Variants in GBF1 observed in about 807,000 individuals in gnomAD.
GBF1 encodes the protein golgi brefeldin A resistant guanine nucleotide exchange factor 1.
GBF1 carries 114 observed loss-of-function variants against 210.5 expected under a neutral mutation model. That is an observed-to-expected ratio of 0.54 (90% CI 0.47 to 0.63). GBF1 has a LOEUF of 0.63. GBF1 is among the 30% of genes least tolerant of loss of function. The pLI, the probability that GBF1 is intolerant of heterozygous loss-of-function variation, is 0.00. For missense variants in GBF1, 1,851 were observed against 2,357.7 expected (o/e 0.79, Z 4.45); for synonymous variants, 850 against 889.2 (o/e 0.96, Z 0.78).
At position 102,369,753 on chromosome 10, in the gene GBF1, C is replaced by T. The variant is rs779802929; in HGVS notation, c.3193C>T (p.Arg1065Trp). The T allele has an allele frequency of 8.1e-6, 13 of 1,613,812 alleles. No homozygotes were observed. The highest frequency in any genetic ancestry group is 1.3e-5 in the African/African-American group (1 of 74,896). Residue 1065 changes from arginine to tryptophan, a missense_variant, in exon 25 of 40, where the codon CGG becomes TGG. Physicochemically the swap from Arg to Trp is moderately radical, Grantham distance 101. Around this residue, in one of 3 missense-constraint regions of GBF1, gnomAD observed 967 missense variants for 1,247.7 expected, o/e 0.78. Transcript: ENST00000369983. ...VDPNGKISLQ[R>W]EETPSNRGES... is the part of the protein sequence containing the mutation. ...TCCCAATGGCAAGATCTCTCTACAG[C>T]GGGAAGAGACACCATCAAACCGGTA...
At chr10:102,300,841 C>T (rs910611545) in intron 3 of GBF1, among the ~76,000 whole-genome samples, 14 of 152,082 alleles carry the variant, frequency 9.2e-5, no homozygotes, top group Non-Finnish European at 1.6e-4. Context: ...TCTTTTGTGG[C>T]TTTGAGGAGA....
chr10:102,231,478 G>A, the GBF1 span: 1 of 719,838 alleles, frequency 1.4e-6, no homozygotes, highest in Non-Finnish European at 2.3e-6. Context: ...CAGGGTCCGG[G>A]GTCCGGGGTC....
At chr10:102,324,024 C>T (rs538881721) in intron 3 of GBF1, among the ~76,000 whole-genome samples, 1 of 152,310 alleles carries the variant, frequency 6.6e-6, no homozygotes, top group African/African-American at 2.4e-5. Context: ...CATAAGAACT[C>T]TCTCTTATAC....
At chr10:102,319,597 A>G (rs541899465) in intron 3 of GBF1, among the ~76,000 whole-genome samples, 4 of 151,844 alleles carry the variant, frequency 2.6e-5, no homozygotes, top group South Asian at 2.1e-4. Flanking sequence ...CTCTTCTTCT[A>G]TTCTGTATTG....
In GBF1 at chr10:102,363,404, C is replaced by T. The variant is rs753052452; in HGVS notation, c.2017+8C>T. On this transcript the variant is annotated splice_region_variant and intron_variant, in intron 16 of 39. Coordinates refer to ENST00000369983, the MANE Select transcript of GBF1 (RefSeq NM_001377137.1). This position sits in a 1 kb window ranked among gnomAD's most constrained non-coding sequence, Gnocchi z 4.2. ...AAGCTGTTGACTCTGGGGGTGGGTA[C>T]TGGGTGTCCATGACCCTAAGCTCCT... 1.2e-6 allele frequency: 2 copies of T among 1,611,488 alleles called. No individual in the cohort carries two copies. Among genetic ancestry groups the T allele is most frequent in the South Asian group, 2.2e-5 (2 of 90,634 alleles).
chr10:102,267,572 G>A (rs370804282), intron 3 of GBF1, among the ~76,000 whole-genome samples: 1 of 152,144 alleles, frequency 6.6e-6, no homozygotes, highest in Non-Finnish European at 1.5e-5. Flanking sequence ...GAGTCCTATT[G>A]ATTAAGTGCC....
rs1389785457 is a variant in GBF1 at position 102,368,351 on chromosome 10, G to A, written c.2776G>A (p.Asp926Asn). The change falls in exon 22 of 40, where the codon GAC (aspartate) becomes AAC (asparagine). Residue 926 changes from aspartate (D) to asparagine (N), a missense_variant. Physicochemically the swap from Asp to Asn is conservative, Grantham distance 23. Around this residue, in one of 3 missense-constraint regions of GBF1, gnomAD observed 967 missense variants for 1,247.7 expected, o/e 0.78. Coordinates refer to ENST00000369983, the MANE Select transcript of GBF1 (RefSeq NM_001377137.1). ...TGTGCCTACTGCCAGCTATGATCTT[G>A]ACCTCTTCACCATGACCTGGGGCCC... is the stretch of plus-strand genomic sequence containing the variant. The part of the protein sequence containing the change: ...LRVPTASYDL[D>N]LFTMTWGPTI... 1.9e-6 allele frequency: 3 copies of A among 1,613,828 alleles called. No individual in the cohort carries two copies. The highest frequency in any genetic ancestry group is 2.7e-5 in the African/African-American group (2 of 74,936).
chr10:102,377,188 G>T (rs2060553323), intron 33 of GBF1, 48 bp downstream of exon 33: 2 of 1,502,624 alleles, frequency 1.3e-6, no homozygotes, highest in African/African-American at 1.4e-5. Flanking sequence ...ACCTGATACT[G>T]GGAGCCTGGG....
the GBF1 span, among the ~76,000 whole-genome samples, chr10:102,235,489 C>A: frequency 6.6e-6 from 1 of 152,144 alleles, no homozygotes; most frequent in Non-Finnish European, 1.5e-5. Context: ...GTTACTTTAC[C>A]TCTCTGAGCA....
At chr10:102,337,889 A>C (rs532842119) in intron 3 of GBF1, among the ~76,000 whole-genome samples, 26 of 152,184 alleles carry the variant, frequency 1.7e-4, no homozygotes, top group African/African-American at 6.3e-4. Flanking sequence ...AAATATCCTT[A>C]CTAGTGATGC....
Position 102,358,980 on chromosome 10 carries a change from G to A in GBF1, c.1011+251G>A, listed in dbSNP as rs146608156. On this transcript the variant is annotated intron_variant, in intron 10 of 39. Transcript: ENST00000369983. ...AGTACTTGACAAAAGGGAAGGAGCT[G>A]GCCATTGCTTTTTCTGGAAGGTAAT... 6.7e-4 allele frequency: 397 copies of A among 589,126 alleles called. 2 individuals carry two copies. Among genetic ancestry groups the A allele is most frequent in the African/African-American group, 6.3e-3 (338 of 53,782 alleles). 36.5% of individuals were successfully genotyped at this position (589,126 alleles called of 1,614,324 possible).
intron 18 of GBF1, among the ~76,000 whole-genome samples, chr10:102,365,910 A>G (rs2059888854): frequency 1.3e-5 from 2 of 148,782 alleles, no homozygotes; most frequent in Non-Finnish European, 1.5e-5. Flanking sequence ...GAGTGAGATC[A>G]TGCCACTGTG....
chr10:102,294,544 G>T (rs1359294237), intron 3 of GBF1, among the ~76,000 whole-genome samples: 1 of 151,816 alleles, frequency 6.6e-6, no homozygotes, highest in African/African-American at 2.4e-5. Context: ...ACCACGCCCG[G>T]CTAATTTTTT....
intron 3 of GBF1, among the ~76,000 whole-genome samples, chr10:102,290,384 A>G (rs1316538028): frequency 1.3e-5 from 2 of 152,290 alleles, no homozygotes; most frequent in East Asian, 1.9e-4. Flanking sequence ...ATAAAAATAC[A>G]TTGAACCAGA....
In GBF1 at chr10:102,351,895, CTG is replaced by C. The variant is rs2059006147; in HGVS notation, c.474_475del (p.Cys158Ter). ...GTGGGTGCCCACCTAACCAATGAATCTGTGTGTGAGATTATGCAGTCTTGCTT... is the reference window on the plus strand; with the variant it reads ...GTGGGTGCCCACCTAACCAATGAATCTGTGTGAGATTATGCAGTCTTGCTT... On this transcript the variant is annotated frameshift_variant, in exon 6 of 40. Coordinates refer to ENST00000369983, the MANE Select transcript of GBF1 (RefSeq NM_001377137.1). LOFTEE classifies it high-confidence loss of function. 1 of 1,612,418 alleles carries C rather than the reference CTG, an allele frequency of 6.2e-7. No homozygotes were observed. Among genetic ancestry groups the C allele is most frequent in the Non-Finnish European group, 8.5e-7 (1 of 1,178,480 alleles).
Position 102,368,330 on chromosome 10 carries a change from C to T in GBF1, c.2755C>T (p.Pro919Ser), listed in dbSNP as rs1212441108. 1 of 1,613,294 alleles carries T rather than the reference C, an allele frequency of 6.2e-7. No individual in the cohort carries two copies. Among genetic ancestry groups the T allele is most frequent in the Non-Finnish European group, 8.5e-7 (1 of 1,179,186 alleles). The change falls in exon 22 of 40, where the codon CCT (proline) becomes TCT (serine). Residue 919 changes from proline to serine, a missense_variant. Coordinates refer to ENST00000369983, the MANE Select transcript of GBF1 (RefSeq NM_001377137.1). ...CCCTGAGGGCATATTCCTGCGTGTG[C>T]CTACTGCCAGCTATGATCTTGACCT... ...ATPEGIFLRV[P>S]TASYDLDLFT...
At chr10:102,260,249 T>A in intron 3 of GBF1, 133 bp downstream of exon 3, 1 of 500,300 alleles carries the variant, frequency 2.0e-6, no homozygotes, top group Non-Finnish European at 3.6e-6. Context: ...CATACACAAC[T>A]GCAACTACTT....
At chr10:102,339,934 A>G (rs1264310952) in intron 3 of GBF1, among the ~76,000 whole-genome samples, 3 of 147,022 alleles carry the variant, frequency 2.0e-5, no homozygotes, top group Non-Finnish European at 3.0e-5. Context: ...CTACAGGCAC[A>G]TGCCATCATA....
In GBF1 at chr10:102,298,441, G is replaced by A. The variant is rs147398386; in HGVS notation, c.163+38325G>A. ...TTTGTAGATCCAGTCACACAGTTTA[G>A]CATCATATTATATCATGACATTAGT... is the stretch of plus-strand genomic sequence containing the variant. On this transcript the variant is annotated intron_variant, in intron 3 of 39. Coordinates refer to ENST00000369983, the MANE Select transcript of GBF1 (RefSeq NM_001377137.1). 1.8e-3 allele frequency among the ~76,000 whole-genome samples: 276 copies of A among 152,278 alleles called. 1 individual carries two copies. Among genetic ancestry groups the A allele is most frequent in the African/African-American group, 6.3e-3 (262 of 41,554 alleles).
Sources: gnomAD v4.1 joint callset for allele counts (sites outside exome capture counted in the v4.1 genomes callset) on GRCh38, gnomAD v4.1.1 for gene constraint, gnomAD v4.1.1 regional missense constraint, Gnocchi (gnomAD v3.1) non-coding constraint, MANE v1.5 for transcripts, NCBI Gene and HGNC (gene_info 2026-07-23, HGNC 2026-07-21) for gene names.